Variants in SHC3 observed in about 807,000 individuals in gnomAD.
SHC3 encodes the protein SHC-transforming protein 3.
Under a neutral mutation model 60.4 loss-of-function variants are expected in SHC3, and 15 were observed. That is an observed-to-expected ratio of 0.25 (90% CI 0.17 to 0.38). SHC3 has a LOEUF of 0.38. Ranked by LOEUF, SHC3 falls within the 10% of genes least tolerant of loss-of-function variation. The pLI is 1.00. For synonymous variants in SHC3, 294 were observed against 325.9 expected (o/e 0.90, Z 1.05); for missense variants, 677 against 786.1 (o/e 0.86, Z 1.66).
At chr9:89,069,787 C>T (rs1426566298) in intron 5 of SHC3, among the ~76,000 whole-genome samples, 1 of 152,236 alleles carries the variant, frequency 6.6e-6, no homozygotes, top group Non-Finnish European at 1.5e-5. Flanking sequence ...GGGAGAAGTA[C>T]CACTTCCCTG....
At chr9:89,071,486 T>C (rs1317069532) in intron 4 of SHC3, among the ~76,000 whole-genome samples, 2 of 152,236 alleles carry the variant, frequency 1.3e-5, no homozygotes, top group African/African-American at 4.8e-5. Flanking sequence ...CAGCCTGTGA[T>C]GTGGGAACTA....
At position 89,170,630 on chromosome 9, in the gene SHC3, G is replaced by C. The variant is rs146941740; in HGVS notation, c.474+7357C>G. The stretch of plus-strand genomic sequence containing the variant: ...ACTGGATTCCAGTCTGGGCGACAGA[G>C]CAAGACTCCATCTCAGAAATAAACA... On this transcript the variant is annotated intron_variant, in intron 1 of 11. Transcript: ENST00000375835. Among the ~76,000 whole-genome samples, 540 of 152,310 alleles carry C rather than the reference G, an allele frequency of 3.5e-3. 2 individuals are homozygous for C. The highest frequency in any genetic ancestry group is 0.012 in the African/African-American group (508 of 41,560).
chr9:89,048,811 A>G (rs1824814609), intron 7 of SHC3, among the ~76,000 whole-genome samples: 1 of 152,126 alleles, frequency 6.6e-6, no homozygotes, highest in African/African-American at 2.4e-5. Context: ...CGGAGCTGAA[A>G]CGGAAGGCAG....
At chr9:89,115,042 G>A (rs1826001925) in intron 1 of SHC3, among the ~76,000 whole-genome samples, 1 of 152,108 alleles carries the variant, frequency 6.6e-6, no homozygotes, top group African/African-American at 2.4e-5. Context: ...GCACAACCAA[G>A]TCACAGGGTT....
rs1564122530 is a variant in SHC3 at position 89,075,205 on chromosome 9, G to A, written c.633C>T (p.Ser211=). 2 of 1,613,940 alleles carry A rather than the reference G, an allele frequency of 1.2e-6. No individual in the cohort carries two copies. The highest frequency in any genetic ancestry group is 1.7e-6 in the Non-Finnish European group (2 of 1,179,916). Residue 211 remains serine (S), a synonymous_variant, in exon 4 of 12, where the codon AGC becomes AGT. Coordinates refer to ENST00000375835, the MANE Select transcript of SHC3 (RefSeq NM_016848.6). ...KRKPPSKMLS[S]ILGKSNLQFA... Reference sequence around the variant, plus strand: ...ACTGGAGGTTGCTCTTTCCCAAGATGCTGGACAGCATTTTGCTTGGAGGCT... The same window carrying A: ...ACTGGAGGTTGCTCTTTCCCAAGATACTGGACAGCATTTTGCTTGGAGGCT...
At chr9:89,118,436 G>A (rs1430170977) in intron 1 of SHC3, among the ~76,000 whole-genome samples, 1 of 151,848 alleles carries the variant, frequency 6.6e-6, no homozygotes, top group African/African-American at 2.4e-5. Context: ...TCCAGAAAAA[G>A]AAAATTTTAA....
intron 1 of SHC3, among the ~76,000 whole-genome samples, chr9:89,155,765 T>C (rs1367653188): frequency 6.6e-6 from 1 of 152,196 alleles, no homozygotes; most frequent in African/African-American, 2.4e-5. Flanking sequence ...AATCCCTGAT[T>C]GTCAACCCAG....
chr9:89,039,298 C>T (rs1402773509), intron 10 of SHC3, among the ~76,000 whole-genome samples: 3 of 152,174 alleles, frequency 2.0e-5, no homozygotes, highest in Admixed American at 2.0e-4. Flanking sequence ...TAAAATAAGC[C>T]AAACTTGTTC....
In SHC3 at chr9:89,176,074, G is replaced by A. The variant is rs528282756; in HGVS notation, c.474+1913C>T. Among the ~76,000 whole-genome samples the A allele has an allele frequency of 1.4e-3, 214 of 152,242 alleles. 1 individual carries two copies. Among genetic ancestry groups the A allele is most frequent in the African/African-American group, 4.8e-3 (200 of 41,534 alleles). Reference sequence around the variant, plus strand: ...CCATTCATGGCTGCTAATGAACAAGGAACCAAAACATGGATGGTACAGAGC... The same window carrying A: ...CCATTCATGGCTGCTAATGAACAAGAAACCAAAACATGGATGGTACAGAGC... On this transcript the variant is annotated intron_variant, in intron 1 of 11. Coordinates refer to ENST00000375835, the MANE Select transcript of SHC3 (RefSeq NM_016848.6).
chr9:89,082,162 C>T (rs1411748235), intron 2 of SHC3, among the ~76,000 whole-genome samples: 1 of 152,164 alleles, frequency 6.6e-6, no homozygotes, highest in African/African-American at 2.4e-5. Context: ...CTCCACCCAA[C>T]CCCTCTCCTC....
At chr9:89,152,616 C>T (rs1047021893) in intron 1 of SHC3, among the ~76,000 whole-genome samples, 1 of 152,196 alleles carries the variant, frequency 6.6e-6, no homozygotes, top group East Asian at 1.9e-4. Flanking sequence ...CATGGCACAT[C>T]CGTCTGATAT....
intron 1 of SHC3, among the ~76,000 whole-genome samples, chr9:89,118,978 T>C (rs1282400487): frequency 6.6e-6 from 1 of 152,134 alleles, no homozygotes; most frequent in Non-Finnish European, 1.5e-5. Context: ...TAAATATGTA[T>C]TTTTTACAAT....
In SHC3 at chr9:89,025,598, T is replaced by A. The variant is rs546595747; in HGVS notation, c.1657-12023A>T. 1.2e-4 allele frequency among the ~76,000 whole-genome samples: 19 copies of A among 152,236 alleles called. No homozygotes were observed. In the East Asian group the frequency reaches 3.5e-3, roughly 28 times the overall value. On this transcript the variant is annotated intron_variant, in intron 11 of 11. Coordinates refer to ENST00000375835, the MANE Select transcript of SHC3 (RefSeq NM_016848.6). Reference sequence around the variant, plus strand: ...AACTAGGTCAGGCCATGATGGGAAGTGGGGGTCAGACATGCCTCATTATAT... The same window carrying A: ...AACTAGGTCAGGCCATGATGGGAAGAGGGGGTCAGACATGCCTCATTATAT...
chr9:89,038,210 G>C lies in SHC3; in HGVS notation c.1439C>G (p.Pro480Arg), dbSNP rs1824615822. ...SKAASVECIS[P>R]VSPRAPDAKM... ...GGCATCTGGGGCTCTAGGTGACACA[G>C]GGCTGATGCACTCCACGGAGGCTGC... The change falls in exon 11 of 12, where the codon CCT (proline) becomes CGT (arginine). Residue 480 changes from proline (P) to arginine (R), a missense_variant. Transcript: ENST00000375835. 4 of 1,614,082 alleles carry C rather than the reference G, an allele frequency of 2.5e-6. No homozygotes were observed. Among genetic ancestry groups the C allele is most frequent in the Non-Finnish European group, 3.4e-6 (4 of 1,180,020 alleles).
At chr9:89,167,468 G>A (rs955162480) in intron 1 of SHC3, among the ~76,000 whole-genome samples, 1 of 152,230 alleles carries the variant, frequency 6.6e-6, no homozygotes, top group Non-Finnish European at 1.5e-5. Context: ...CAGTCATATG[G>A]ATGTGGAAAG....
At chr9:89,108,829 C>G (rs906559516) in intron 2 of SHC3, among the ~76,000 whole-genome samples, 2 of 152,182 alleles carry the variant, frequency 1.3e-5, no homozygotes, top group African/African-American at 2.4e-5. Context: ...CCTTCATTAG[C>G]ATAGAACAGC....
intron 1 of SHC3, among the ~76,000 whole-genome samples, chr9:89,135,088 T>G (rs923066233): frequency 1.3e-5 from 2 of 152,154 alleles, no homozygotes; most frequent in African/African-American, 4.8e-5. Flanking sequence ...ATATAAATAT[T>G]TGCATAAGTA....
At chr9:89,059,813 T>G (rs1196003740) in intron 6 of SHC3, among the ~76,000 whole-genome samples, 99 of 33,842 alleles carry the variant, frequency 2.9e-3, no homozygotes, top group East Asian at 6.6e-3. Context: ...GATGGTGGTG[T>G]AGGACAGTGG....
At chr9:89,108,536 T>TAC (rs1434583586) in intron 2 of SHC3, among the ~76,000 whole-genome samples, 2 of 149,682 alleles carry the variant, frequency 1.3e-5, no homozygotes, top group Admixed American at 1.3e-4. Flanking sequence ...AAAATGCATA[T>TAC]ACATACACAC....
Sources: allele counts gnomAD v4.1 joint callset (sites outside exome capture counted in the v4.1 genomes callset), GRCh38; gene constraint gnomAD v4.1.1; transcripts MANE v1.5; gene names NCBI Gene and HGNC (gene_info 2026-07-23, HGNC 2026-07-21).